The following PRKCQ variants were observed in gnomAD, a reference collection of about 807,000 sequenced individuals.
PRKCQ encodes the protein protein kinase C theta.
In PRKCQ, 41 loss-of-function variants were observed where a neutral mutation model predicts 91.2. The ratio of observed to expected loss-of-function variants is 0.45; its 90% CI spans 0.35 to 0.58. The LOEUF (loss-of-function observed/expected upper bound fraction) is 0.58, where lower values mean the gene tolerates loss of function less well. PRKCQ is among the 20% of genes least tolerant of loss of function. PRKCQ has a pLI of 0.00. For synonymous variants in PRKCQ, 307 were observed against 316.9 expected, an observed-to-expected ratio of 0.97 and a Z score of 0.33; for missense variants, 673 against 896.5, an observed-to-expected ratio of 0.75 and a Z score of 3.18.
At chr10:6,542,748 GTC>G in intron 1 of PRKCQ, among the ~76,000 whole-genome samples, 1 of 152,196 alleles carries the variant, frequency 6.6e-6, no homozygotes, top group Non-Finnish European at 1.5e-5. Flanking sequence ...ACGTTACGAG[GTC>G]TCTTGCCTGC....
chr10:6,508,871 T>A (rs763066445), intron 3 of PRKCQ, among the ~76,000 whole-genome samples: 1 of 152,064 alleles, frequency 6.6e-6, no homozygotes, highest in Non-Finnish European at 1.5e-5. Flanking sequence ...GAGACAACCA[T>A]GAAAACAGTC....
At chr10:6,578,650 G>A (rs1203903758) in intron 1 of PRKCQ, among the ~76,000 whole-genome samples, 1 of 152,198 alleles carries the variant, frequency 6.6e-6, no homozygotes, top group African/African-American at 2.4e-5. Context: ...AGGAGGAAGG[G>A]ACTAACAAGA....
chr10:6,448,443 T>A (rs1387789975), intron 15 of PRKCQ, among the ~76,000 whole-genome samples: 1 of 151,382 alleles, frequency 6.6e-6, no homozygotes, highest in African/African-American at 2.4e-5. Context: ...AGAGTCTCAC[T>A]CTGTCACCAA....
chr10:6,448,572 C>A (rs948409820), intron 15 of PRKCQ, among the ~76,000 whole-genome samples: 1 of 152,056 alleles, frequency 6.6e-6, no homozygotes, highest in South Asian at 2.1e-4. Context: ...CCACACCCAG[C>A]TAATTTTTTA....
chr10:6,482,118 C>T (rs1282343807), intron 11 of PRKCQ, among the ~76,000 whole-genome samples: 1 of 151,874 alleles, frequency 6.6e-6, no homozygotes, highest in Admixed American at 6.6e-5. Context: ...ACTTTCTCCA[C>T]AATTTTTTTC....
At position 6,470,215 on chromosome 10, in the gene PRKCQ, T is replaced by C. The variant is rs563838788; in HGVS notation, c.1354-5811A>G. ...TCCTTTCTCTCTTGAAATTCTTTCC[T>C]CTCCTGTCCTCCGATACTCCTAACT... On this transcript the variant is annotated intron_variant, in intron 12 of 17. Coordinates refer to ENST00000263125, the MANE Select transcript of PRKCQ (RefSeq NM_006257.5). Among the ~76,000 whole-genome samples, 3 of 152,274 alleles carry C rather than the reference T, an allele frequency of 2.0e-5. No homozygotes were observed. In the South Asian group the frequency reaches 6.2e-4, roughly 32 times the overall value.
intron 1 of PRKCQ, among the ~76,000 whole-genome samples, chr10:6,565,393 G>A (rs1261349234): frequency 6.6e-6 from 1 of 152,080 alleles, no homozygotes; most frequent in Non-Finnish European, 1.5e-5. Context: ...TTGCTTGCTG[G>A]TTTTCTTCTC....
intron 1 of PRKCQ, among the ~76,000 whole-genome samples, chr10:6,524,515 T>C (rs539731586): frequency 6.6e-6 from 1 of 152,330 alleles, no homozygotes; most frequent in East Asian, 1.9e-4. Context: ...CATGCTTTCT[T>C]CTTACCTACT....
In PRKCQ at chr10:6,497,319, G is replaced by C. The variant is rs2130819211; in HGVS notation, c.543-68C>G. 1 of 1,562,112 alleles carries C rather than the reference G, an allele frequency of 6.4e-7. No individual in the cohort carries two copies. The highest frequency in any genetic ancestry group is 8.8e-7 in the Non-Finnish European group (1 of 1,133,702). On this transcript the variant is annotated intron_variant, in intron 5 of 17. Coordinates refer to ENST00000263125, the MANE Select transcript of PRKCQ (RefSeq NM_006257.5). The surrounding 1 kb of genome is among the most constrained non-coding windows in gnomAD (Gnocchi z 4.5). ...ACATCAGCACCAACAGCATTTAAGA[G>C]ATGGATGAGATCTCATAACCCCCTA...
intron 1 of PRKCQ, among the ~76,000 whole-genome samples, chr10:6,552,526 T>G (rs988555252): frequency 1.1e-4 from 16 of 150,996 alleles, no homozygotes; most frequent in Non-Finnish European, 1.8e-4. Flanking sequence ...AGTGCAGTGG[T>G]GTAATCACAG....
intron 1 of PRKCQ, among the ~76,000 whole-genome samples, chr10:6,559,327 G>T (rs1338017178): frequency 6.6e-6 from 1 of 151,942 alleles, no homozygotes; most frequent in Admixed American, 6.6e-5. Context: ...AGGGAAGGAG[G>T]GACATGCCTT....
At chr10:6,394,282 C>T in the PRKCQ span, among the ~76,000 whole-genome samples, 1 of 152,202 alleles carries the variant, frequency 6.6e-6, no homozygotes, top group African/African-American at 2.4e-5. Context: ...GTGTAGTGGC[C>T]TGATCTCCAG....
At chr10:6,442,517 T>C (rs1834026704) in intron 15 of PRKCQ, among the ~76,000 whole-genome samples, 1 of 152,302 alleles carries the variant, frequency 6.6e-6, no homozygotes, top group Admixed American at 6.5e-5. Flanking sequence ...AACTCTGTAG[T>C]AATCAGGCAT....
Position 6,456,617 on chromosome 10 carries a change from C to T in PRKCQ, c.1647+57G>A, listed in dbSNP as rs530890507. On this transcript the variant is annotated intron_variant, in intron 15 of 17. Transcript: ENST00000263125. ...TTCTGATTTTCAGGGGCTAAAGAAG[C>T]AATGGCATGTGGCCAGGGCATGGTG... 353 of 1,582,714 alleles carry T rather than the reference C, an allele frequency of 2.2e-4. No individual in the cohort carries two copies. In the African/African-American group the frequency reaches 4.6e-3, roughly 21 times the overall value.
Position 6,497,325 on chromosome 10 carries a change from T to G in PRKCQ, c.543-74A>C. On this transcript the variant is annotated intron_variant, in intron 5 of 17. Transcript: ENST00000263125. The surrounding 1 kb of genome is among the most constrained non-coding windows in gnomAD (Gnocchi z 4.5). Reference sequence around the variant, plus strand: ...GCACCAACAGCATTTAAGAGATGGATGAGATCTCATAACCCCCTAAGATCA... The same window carrying G: ...GCACCAACAGCATTTAAGAGATGGAGGAGATCTCATAACCCCCTAAGATCA... The G allele has an allele frequency of 6.5e-7, 1 of 1,530,842 alleles. No individual in the cohort carries two copies. The highest frequency in any genetic ancestry group is 9.0e-7 in the Non-Finnish European group (1 of 1,105,402). 94.8% of individuals were successfully genotyped at this position (1,530,842 alleles called of 1,614,324 possible). A position where few individuals can be genotyped will look rare whatever the true frequency, so the allele number is the denominator to read the frequency against.
At chr10:6,549,445 TATG>T (rs1186618606) in intron 1 of PRKCQ, among the ~76,000 whole-genome samples, 3 of 152,126 alleles carry the variant, frequency 2.0e-5, no homozygotes, top group Non-Finnish European at 2.9e-5. Flanking sequence ...GACTTATTTT[TATG>T]ATAACTGGAG....
chr10:6,536,310 G>A (rs944697388), intron 1 of PRKCQ, among the ~76,000 whole-genome samples: 1 of 152,150 alleles, frequency 6.6e-6, no homozygotes, highest in Non-Finnish European at 1.5e-5. Context: ...GGATGTGATG[G>A]TGTCAAATCA....
chr10:6,467,944 T>A (rs1055749809), intron 12 of PRKCQ, among the ~76,000 whole-genome samples: 1 of 152,210 alleles, frequency 6.6e-6, no homozygotes, highest in Admixed American at 6.5e-5. Context: ...CAGAGGTGCA[T>A]GCCTGTAATC....
chr10:6,542,558 C>G lies in PRKCQ; in HGVS notation c.-9-27414G>C, dbSNP rs1839811895. 2.0e-5 allele frequency among the ~76,000 whole-genome samples: 3 copies of G among 152,150 alleles called. No homozygotes were observed. In the South Asian group the frequency reaches 6.2e-4, roughly 32 times the overall value. On this transcript the variant is annotated intron_variant, in intron 1 of 17. Coordinates refer to ENST00000263125, the MANE Select transcript of PRKCQ (RefSeq NM_006257.5). ...TAGAAACTGTAGAGACTTTAACACCCTATAACACAGCATCTGCAGCTTCAG... is the reference window on the plus strand; with the variant it reads ...TAGAAACTGTAGAGACTTTAACACCGTATAACACAGCATCTGCAGCTTCAG...
Sources: allele counts gnomAD v4.1 joint callset (sites outside exome capture counted in the v4.1 genomes callset), GRCh38; gene constraint gnomAD v4.1.1; non-coding constraint Gnocchi (gnomAD v3.1); transcripts MANE v1.5; gene names NCBI Gene and HGNC (gene_info 2026-07-23, HGNC 2026-07-21).